Variants in TRHDE observed in about 807,000 individuals in gnomAD.
The protein encoded by TRHDE is thyrotropin-releasing hormone-degrading ectoenzyme.
Under a neutral mutation model 125.7 loss-of-function variants are expected in TRHDE, and 72 were observed. The ratio of observed to expected loss-of-function variants is 0.57; its 90% CI spans 0.47 to 0.70. The LOEUF (loss-of-function observed/expected upper bound fraction) is 0.70, where lower values mean the gene tolerates loss of function less well. Among genes scored for constraint, TRHDE ranks in the 30% least tolerant of loss-of-function variants. The pLI is 0.00. For synonymous variants in TRHDE, 509 were observed against 509.1 expected (o/e 1.00, Z 0.00); for missense variants, 1,110 against 1,327.1 (o/e 0.84, Z 2.54).
chr12:72,551,879 C>T (rs1157696682), intron 7 of TRHDE, among the ~76,000 whole-genome samples: 1 of 152,034 alleles, frequency 6.6e-6, no homozygotes, highest in Non-Finnish European at 1.5e-5. Flanking sequence ...TTAGGGAATC[C>T]TTCTTGAGAA....
At chr12:72,344,348 A>G (rs1000253429) in intron 2 of TRHDE, among the ~76,000 whole-genome samples, 1 of 152,160 alleles carries the variant, frequency 6.6e-6, no homozygotes, top group Middle Eastern at 3.2e-3. Context: ...CGTGCTTAAT[A>G]AAGGTTGCTG....
At chr12:72,646,546 G>A (rs1233526565) in intron 15 of TRHDE, among the ~76,000 whole-genome samples, 1 of 151,986 alleles carries the variant, frequency 6.6e-6, no homozygotes, top group Non-Finnish European at 1.5e-5. Context: ...GTGGCTGAAT[G>A]GATTAACAAA....
chr12:72,188,481 C>T (rs1190863468), intron 2 of TRHDE, among the ~76,000 whole-genome samples: 2 of 152,188 alleles, frequency 1.3e-5, no homozygotes, highest in Non-Finnish European at 2.9e-5. Flanking sequence ...CAACCCTGTA[C>T]CAAGTAGAGT....
At chr12:72,148,848 A>G (rs891743315) in intron 2 of TRHDE, among the ~76,000 whole-genome samples, 1 of 152,212 alleles carries the variant, frequency 6.6e-6, no homozygotes, top group Non-Finnish European at 1.5e-5. Context: ...GAAAGCGACT[A>G]TCTTGCAAGC....
intron 5 of TRHDE, among the ~76,000 whole-genome samples, chr12:72,482,633 G>T (rs1216685461): frequency 5.9e-5 from 9 of 151,872 alleles, no homozygotes; most frequent in Non-Finnish European, 2.9e-5. Context: ...TTAAATAGCA[G>T]ATTTCTGTTC....
chr12:72,589,577 C>T (rs1047221283), intron 12 of TRHDE, among the ~76,000 whole-genome samples: 1 of 152,158 alleles, frequency 6.6e-6, no homozygotes, highest in African/African-American at 2.4e-5. Flanking sequence ...TGGGAAGGTC[C>T]TTAATTGTGA....
chr12:72,149,764 A>C (rs1876314237), intron 2 of TRHDE, among the ~76,000 whole-genome samples: 1 of 152,140 alleles, frequency 6.6e-6, no homozygotes, highest in Admixed American at 6.5e-5. Flanking sequence ...CCCAAACACA[A>C]GCATATTTAC....
intron 18 of TRHDE, among the ~76,000 whole-genome samples, chr12:72,659,128 A>G (rs1375082988): frequency 2.0e-5 from 3 of 152,326 alleles, no homozygotes; most frequent in East Asian, 1.9e-4. Flanking sequence ...CTGAAAACTC[A>G]TTCCAGATTT....
intron 2 of TRHDE, among the ~76,000 whole-genome samples, chr12:72,134,185 CT>C (rs1169303816): frequency 6.6e-6 from 1 of 152,124 alleles, no homozygotes; most frequent in African/African-American, 2.4e-5. Flanking sequence ...AATCAAGAAA[CT>C]AATTTCATTG....
intron 2 of TRHDE, among the ~76,000 whole-genome samples, chr12:72,207,985 G>A (rs1032294086): frequency 6.6e-6 from 1 of 152,154 alleles, no homozygotes; most frequent in African/African-American, 2.4e-5. Flanking sequence ...CACTGTCGCT[G>A]GTGCTGGTGC....
At chr12:72,091,224 C>T (rs1050694739) in intron 1 of TRHDE, among the ~76,000 whole-genome samples, 3 of 151,974 alleles carry the variant, frequency 2.0e-5, no homozygotes, top group Admixed American at 6.6e-5. Flanking sequence ...GATTCCCAAC[C>T]CTTTCTTGCA....
intron 2 of TRHDE, among the ~76,000 whole-genome samples, chr12:72,114,599 G>A (rs1435864793): frequency 6.6e-6 from 1 of 152,078 alleles, no homozygotes; most frequent in African/African-American, 2.4e-5. Flanking sequence ...GAGGGCTTGG[G>A]CTTGCTGTCA....
intron 7 of TRHDE, among the ~76,000 whole-genome samples, chr12:72,548,494 C>T (rs1038596904): frequency 6.6e-6 from 1 of 151,604 alleles, no homozygotes; most frequent in Admixed American, 6.6e-5. Context: ...ACTTCTTTAA[C>T]CTTGTTTTTA....
chr12:72,397,450 A>C (rs1872845872), intron 3 of TRHDE, among the ~76,000 whole-genome samples: 1 of 152,180 alleles, frequency 6.6e-6, no homozygotes, highest in South Asian at 2.1e-4. Context: ...AAGTCACGCT[A>C]CATGAGTATC....
At chr12:72,573,957 A>G (rs897276214) in intron 10 of TRHDE, among the ~76,000 whole-genome samples, 1 of 152,016 alleles carries the variant, frequency 6.6e-6, no homozygotes, top group Admixed American at 6.6e-5. Context: ...TAAAGATTAA[A>G]TTTTTATATT....
intron 2 of TRHDE, among the ~76,000 whole-genome samples, chr12:72,336,642 A>T (rs193253640): frequency 1.3e-5 from 2 of 152,288 alleles, no homozygotes; most frequent in African/African-American, 4.8e-5. Context: ...GGAGGCTGAA[A>T]AGTCCAAAAG....
At chr12:72,276,725 T>C (rs2139413397) in intron 1 of TRHDE, among the ~76,000 whole-genome samples, 1 of 152,308 alleles carries the variant, frequency 6.6e-6, no homozygotes, top group Admixed American at 6.5e-5. Context: ...AATTCTCTAC[T>C]CTTGGTTACT....
chr12:72,407,301 T>C (rs1320222783), intron 3 of TRHDE, among the ~76,000 whole-genome samples: 2 of 152,214 alleles, frequency 1.3e-5, no homozygotes, highest in Non-Finnish European at 1.5e-5. Flanking sequence ...GTCTGACTCC[T>C]GTCTGAGAAA....
At chr12:72,313,540 T>G (rs1868648339) in intron 2 of TRHDE, among the ~76,000 whole-genome samples, 1 of 152,132 alleles carries the variant, frequency 6.6e-6, no homozygotes, top group African/African-American at 2.4e-5. Flanking sequence ...TTATATATAT[T>G]TTTTCTGTTT....
Sources: gnomAD v4.1 joint callset for allele counts (sites outside exome capture counted in the v4.1 genomes callset) on GRCh38, gnomAD v4.1.1 for gene constraint, MANE v1.5 for transcripts, NCBI Gene and HGNC (gene_info 2026-07-23, HGNC 2026-07-21) for gene names.